CDK5RAP2: variants seen among roughly 807,000 people sequenced by gnomAD.
CDK5RAP2 encodes CDK5 regulatory subunit-associated protein 2.
CDK5RAP2 carries 147 observed loss-of-function variants against 232.9 expected under a neutral mutation model. The observed-to-expected ratio is 0.63, with a 90% CI of 0.55 to 0.72. The LOEUF (loss-of-function observed/expected upper bound fraction) is 0.72. CDK5RAP2 is among the 30% of genes least tolerant of loss of function. CDK5RAP2 has a pLI of 0.00. For missense variants in CDK5RAP2, 2,195 were observed against 2,231.5 expected (o/e 0.98, Z 0.33); for synonymous variants, 833 against 833.7 (o/e 1.00, Z 0.01).
At chr9:120,578,192 G>A (rs754099513) in intron 1 of CDK5RAP2, among the ~76,000 whole-genome samples, 7 of 152,078 alleles carry the variant, frequency 4.6e-5, no homozygotes, top group Non-Finnish European at 8.8e-5. Context: ...GCTTGAACCC[G>A]GGAGGCGGAG....
intron 26 of CDK5RAP2, among the ~76,000 whole-genome samples, chr9:120,421,106 T>C (rs1366869303): frequency 6.6e-6 from 1 of 152,144 alleles, no homozygotes; most frequent in African/African-American, 2.4e-5. Context: ...TAGAATAGTG[T>C]TTGGACTTTT....
At chr9:120,540,613 G>A (rs933485257) in intron 5 of CDK5RAP2, among the ~76,000 whole-genome samples, 1 of 152,336 alleles carries the variant, frequency 6.6e-6, no homozygotes, top group Middle Eastern at 3.4e-3. Context: ...TGGAAAGAAA[G>A]AACATGGGCT....
intron 23 of CDK5RAP2, 60 bp from the exon 24 acceptor site, chr9:120,440,032 T>G: frequency 2.0e-6 from 3 of 1,475,010 alleles, no homozygotes; most frequent in African/African-American, 1.4e-5. Flanking sequence ...CCCTCTCTCC[T>G]TCCTCACAGC....
chr9:120,402,135 T>A (rs573652018), intron 34 of CDK5RAP2, among the ~76,000 whole-genome samples: 4 of 151,866 alleles, frequency 2.6e-5, no homozygotes, highest in African/African-American at 4.8e-5. Context: ...CTAAAAAAAA[T>A]TTTTTTTAAA....
chr9:120,457,182 C>T (rs1038867240), intron 20 of CDK5RAP2, among the ~76,000 whole-genome samples: 1 of 152,104 alleles, frequency 6.6e-6, no homozygotes, highest in African/African-American at 2.4e-5. Flanking sequence ...TTCAGGATCC[C>T]CCAACCAAGT....
intron 12 of CDK5RAP2, among the ~76,000 whole-genome samples, chr9:120,497,448 AAAAAAAG>A (rs1448021926): frequency 1.1e-5 from 1 of 89,424 alleles, no homozygotes; most frequent in Admixed American, 1.0e-4. Flanking sequence ...AAAAAAAAAA[AAAAAAAG>A]AATCATCAAT....
At position 120,403,043 on chromosome 9, in the gene CDK5RAP2, A is replaced by G. The variant is rs996909639; in HGVS notation, c.5070T>C (p.Asn1690=). 5.6e-6 allele frequency: 9 copies of G among 1,614,094 alleles called. No individual in the cohort carries two copies. The highest frequency in any genetic ancestry group is 1.7e-5 in the Admixed American group (1 of 59,998). Residue 1690 remains asparagine, a synonymous_variant, in exon 34 of 38, where the codon AAT becomes AAC. Transcript: ENST00000349780. The surrounding 1 kb of genome is among the most constrained non-coding windows in gnomAD (Gnocchi z 4.2). The stretch of plus-strand genomic sequence containing the variant: ...TGTCGCAGGAGAGGGAGTCCGTGTC[A>G]TTCCCAGAGAGTGGAGGAGTCTCTG... The part of the protein sequence containing the change: ...SVSETPPLSG[N]DTDSLSCDSG...
intron 35 of CDK5RAP2, 145 bp from the exon 36 acceptor site, chr9:120,394,783 C>T: frequency 1.3e-6 from 1 of 764,884 alleles, no homozygotes; most frequent in South Asian, 1.7e-5. Context: ...TTCCTGACAA[C>T]CAGGAAAAGG....
chr9:120,553,165 C>T (rs2042107748), intron 3 of CDK5RAP2, among the ~76,000 whole-genome samples: 1 of 152,182 alleles, frequency 6.6e-6, no homozygotes, highest in Admixed American at 6.5e-5. Flanking sequence ...CCACTATATA[C>T]ATGATCAAAG....
In CDK5RAP2 at chr9:120,408,453, C is replaced by T; in HGVS notation, c.4620G>A (p.Val1540=). The T allele has an allele frequency of 6.2e-7, 1 of 1,614,122 alleles. No individual in the cohort carries two copies. Among genetic ancestry groups the T allele is most frequent in the Non-Finnish European group, 8.5e-7 (1 of 1,179,958 alleles). The part of the protein sequence containing the change: ...GQELSRVQEE[V]KLRQQLLSQN... Reference sequence around the variant, plus strand: ...GTGAGAGCAGCTGCTGCCTCAACTTCACCTCCTCCTGCACCCTGAGAAGGC... The same window carrying T: ...GTGAGAGCAGCTGCTGCCTCAACTTTACCTCCTCCTGCACCCTGAGAAGGC... The change falls in exon 31 of 38, where the codon GTG becomes GTA. Residue 1540 remains valine, a synonymous_variant. Transcript: ENST00000349780.
intron 11 of CDK5RAP2, among the ~76,000 whole-genome samples, chr9:120,522,617 A>G (rs1459079425): frequency 6.6e-6 from 1 of 152,174 alleles, no homozygotes; most frequent in Non-Finnish European, 1.5e-5. Flanking sequence ...GGAGGATGCC[A>G]TTTCCAATTT....
At chr9:120,571,847 G>T in intron 2 of CDK5RAP2, 127 bp downstream of exon 2, 1 of 738,946 alleles carries the variant, frequency 1.4e-6, no homozygotes, top group Non-Finnish European at 2.5e-6. Flanking sequence ...AAAATACTGA[G>T]CACCTACGGT....
At chr9:120,394,724 G>T in intron 35 of CDK5RAP2, 86 bp from the exon 36 acceptor site, 1 of 1,140,260 alleles carries the variant, frequency 8.8e-7, no homozygotes, top group Non-Finnish European at 1.3e-6. Flanking sequence ...ATAAAAAGAT[G>T]ATGCTCAACC....
chr9:120,409,504 C>T (rs892491497), intron 29 of CDK5RAP2, among the ~76,000 whole-genome samples, 188 bp from the exon 30 acceptor site: 3 of 152,262 alleles, frequency 2.0e-5, no homozygotes, highest in Non-Finnish European at 2.9e-5. Flanking sequence ...GCAGATTAAA[C>T]GTCACTGGGA....
intron 7 of CDK5RAP2, among the ~76,000 whole-genome samples, chr9:120,530,923 G>A (rs1486898946): frequency 6.6e-6 from 1 of 150,896 alleles, no homozygotes; most frequent in African/African-American, 2.4e-5. Flanking sequence ...AAGTTAATGG[G>A]TGCAGCACAC....
At chr9:120,430,134 G>A (rs1188700862) in intron 25 of CDK5RAP2, among the ~76,000 whole-genome samples, 1 of 151,964 alleles carries the variant, frequency 6.6e-6, no homozygotes, top group African/African-American at 2.4e-5. Flanking sequence ...AGACTTAAAT[G>A]TTAGACCTAA....
rs1310981739 is a variant in CDK5RAP2, at chr9:120,453,499, C to G, written c.2750G>C (p.Gly917Ala). The stretch of plus-strand genomic sequence containing the variant: ...GAGGGAAAGGAGGGCAGCCTGCCAC[C>G]CAGGCACCCCGTGCAGGTTCTCTGG... ...HRPENLHGVPGWQAALLSLPG... is the reference protein window; with the variant it reads ...HRPENLHGVPAWQAALLSLPG... The change falls in exon 21 of 38, where the codon GGG becomes GCG. Residue 917 changes from glycine (G) to alanine (A), a missense_variant. Gly to Ala is a moderately conservative substitution (Grantham distance 60). Coordinates refer to ENST00000349780, the MANE Select transcript of CDK5RAP2 (RefSeq NM_018249.6). 1 of 1,613,442 alleles carries G rather than the reference C, an allele frequency of 6.2e-7. No homozygotes were observed. The highest frequency in any genetic ancestry group is 1.1e-5 in the South Asian group (1 of 91,072).
chr9:120,507,927 AAAAAAAAAAAAAAAAATAT>A (rs1268705155), intron 12 of CDK5RAP2, among the ~76,000 whole-genome samples: 89 of 69,964 alleles, frequency 1.3e-3, no homozygotes, highest in African/African-American at 2.4e-3. Flanking sequence ...AAAAAAAAAA[AAAAAAAAAAAAAAAAATAT>A]ATATATATAT....
chr9:120,461,758 C>T (rs942250079), intron 18 of CDK5RAP2, among the ~76,000 whole-genome samples: 1 of 152,178 alleles, frequency 6.6e-6, no homozygotes, highest in African/African-American at 2.4e-5. Context: ...AGGAGGATCA[C>T]CTGAGCCCAG....
Sources: gnomAD v4.1 joint callset for allele counts (sites outside exome capture counted in the v4.1 genomes callset) on GRCh38, gnomAD v4.1.1 for gene constraint, Gnocchi (gnomAD v3.1) non-coding constraint, MANE v1.5 for transcripts, NCBI Gene and HGNC (gene_info 2026-07-23, HGNC 2026-07-21) for gene names.